The following HEMGN variants were observed in gnomAD, a reference collection of about 807,000 sequenced individuals.
HEMGN encodes hemogen, also known as erythroid differentiation-associated gene protein.
HEMGN carries 32 observed loss-of-function variants against 45.7 expected under a neutral mutation model. That is an observed-to-expected ratio of 0.70 (90% CI 0.53 to 0.94). The LOEUF (loss-of-function observed/expected upper bound fraction) is 0.94, where lower values mean the gene tolerates loss of function less well. Ranked by LOEUF, HEMGN falls within the 40% of genes least tolerant of loss-of-function variation. The probability of loss-of-function intolerance (pLI) is 0.00; values close to 1 mark genes in which losing one functional copy is unlikely to be tolerated. For synonymous variants in HEMGN, 183 were observed against 178.6 expected (o/e 1.02, Z -0.20); for missense variants, 530 against 564.2 (o/e 0.94, Z 0.61).
upstream of HEMGN, among the ~76,000 whole-genome samples, chr9:97,939,898 C>A (rs1827126860): frequency 6.6e-6 from 1 of 152,186 alleles, no homozygotes; most frequent in Non-Finnish European, 1.5e-5. Context: ...CAAAGGAATC[C>A]TGCACGGAAC....
At chr9:97,943,419 T>C (rs1193923926) in intron 1 of HEMGN, among the ~76,000 whole-genome samples, 2 of 152,304 alleles carry the variant, frequency 1.3e-5, no homozygotes, top group Middle Eastern at 6.8e-3. Context: ...AGAAGGACAG[T>C]TTCTTGTTCC....
At position 97,936,156 on chromosome 9, in the gene HEMGN, G is replaced by C; in HGVS notation, c.173+15C>G. 6.4e-7 allele frequency: 1 copy of C among 1,555,056 alleles called. No individual in the cohort carries two copies. The highest frequency in any genetic ancestry group is 8.9e-7 in the Non-Finnish European group (1 of 1,126,386). On this transcript the variant is annotated intron_variant, in intron 2 of 3. Coordinates refer to ENST00000616898, the MANE Select transcript of HEMGN (RefSeq NM_197978.3). ...TAAATATATTAGTTCCCTTTCCCTTGTGATGCTACCATACCCAAATAGCCA... is the reference window on the plus strand; with the variant it reads ...TAAATATATTAGTTCCCTTTCCCTTCTGATGCTACCATACCCAAATAGCCA...
intron 2 of HEMGN, among the ~76,000 whole-genome samples, chr9:97,933,374 G>A (rs1347582324): frequency 1.3e-5 from 2 of 152,134 alleles, no homozygotes; most frequent in African/African-American, 2.4e-5. Context: ...TATGAAGTAG[G>A]TAGTTATTAT....
At chr9:97,934,583 T>C (rs1396235895) in intron 2 of HEMGN, among the ~76,000 whole-genome samples, 1 of 151,922 alleles carries the variant, frequency 6.6e-6, no homozygotes, top group Non-Finnish European at 1.5e-5. Context: ...TGGGAGCTAA[T>C]TGGATAATCT....
intron 1 of HEMGN, among the ~76,000 whole-genome samples, chr9:97,943,425 G>GT (rs1827179957): frequency 6.6e-6 from 1 of 152,216 alleles, no homozygotes; most frequent in Admixed American, 6.5e-5. Context: ...ACAGTTTCTT[G>GT]TTCCCCTCTC....
intron 2 of HEMGN, among the ~76,000 whole-genome samples, chr9:97,934,369 A>C (rs1008738251): frequency 2.7e-5 from 4 of 146,130 alleles, no homozygotes; most frequent in East Asian, 4.2e-4. Context: ...TGAATGAATG[A>C]ATGAGAGAAA....
chr9:97,943,333 T>C (rs1827178649), intron 1 of HEMGN, among the ~76,000 whole-genome samples: 1 of 152,198 alleles, frequency 6.6e-6, no homozygotes, highest in African/African-American at 2.4e-5. Flanking sequence ...ATTCCTTCCT[T>C]GCTGACATAC....
chr9:97,935,852 T>A (rs1225880182), intron 2 of HEMGN, among the ~76,000 whole-genome samples: 2 of 152,222 alleles, frequency 1.3e-5, no homozygotes, highest in African/African-American at 2.4e-5. Context: ...CCCAACAGGA[T>A]GCTTCTATGT....
In HEMGN at chr9:97,930,180, A is replaced by G; in HGVS notation, c.1215T>C (p.Pro405=). 6.2e-7 allele frequency: 1 copy of G among 1,614,164 alleles called. No individual in the cohort carries two copies. Among genetic ancestry groups the G allele is most frequent in the Non-Finnish European group, 8.5e-7 (1 of 1,180,022 alleles). The change falls in exon 3 of 4, where the codon CCT becomes CCC. Residue 405 remains proline, a synonymous_variant. Coordinates refer to ENST00000616898, the MANE Select transcript of HEMGN (RefSeq NM_197978.3). ...TATATGTCTCAGTAGAGAGGTCTTC[A>G]GGCCCCGGTGTTTCTTGGTATATTT... ...SPEIYQETPG[P]EDLSTETYKN... is the part of the protein sequence containing the mutation.
chr9:97,942,834 A>C (rs1827171659), upstream of HEMGN, among the ~76,000 whole-genome samples: 1 of 152,216 alleles, frequency 6.6e-6, no homozygotes. Flanking sequence ...CTGTTTAGTC[A>C]AAAACAAGAC....
At position 97,936,204 on chromosome 9, in the gene HEMGN, A is replaced by G; in HGVS notation, c.140T>C (p.Val47Ala). Residue 47 changes from valine to alanine, a missense_variant, in exon 2 of 4, where the codon GTG (valine) becomes GCG (alanine). Transcript: ENST00000616898. ...CCATTGTGATGTTTCCTTTTCATGCACTTCAGCTTTTCTTTTTCTAAGTAG... is the reference window on the plus strand; with the variant it reads ...CCATTGTGATGTTTCCTTTTCATGCGCTTCAGCTTTTCTTTTTCTAAGTAG... ...RELLRKRKAE[V>A]HEKETSQWLF... 2 of 1,613,218 alleles carry G rather than the reference A, an allele frequency of 1.2e-6. No individual in the cohort carries two copies. The highest frequency in any genetic ancestry group is 1.7e-6 in the Non-Finnish European group (2 of 1,179,450).
At position 97,931,063 on chromosome 9, in the gene HEMGN, G is replaced by C. The variant is rs139664531; in HGVS notation, c.332C>G (p.Pro111Arg). The stretch of plus-strand genomic sequence containing the variant: ...AGGAAATACTTTGGTTATGCTCCCA[G>C]GTGGCTCAGTTTTTTTCTCTATAGG... ...LAPIEKKTEP[P>R]GSITKVFPSV... Residue 111 changes from proline (P) to arginine (R), a missense_variant, in exon 3 of 4, where the codon CCT becomes CGT. Pro to Arg is a moderately radical substitution (Grantham distance 103). Transcript: ENST00000616898. The C allele has an allele frequency of 4.5e-4, 721 of 1,614,096 alleles. 3 individuals carry two copies. Among genetic ancestry groups the C allele is most frequent in the Non-Finnish European group, 4.8e-4 (561 of 1,180,028 alleles).
At chr9:97,928,096 T>A (rs550328869) in intron 3 of HEMGN, among the ~76,000 whole-genome samples, 3 of 150,902 alleles carry the variant, frequency 2.0e-5, no homozygotes, top group Admixed American at 6.6e-5. Flanking sequence ...GCGCGATCTC[T>A]GCTCACTGCA....
rs1045586677 is a variant in HEMGN at position 97,927,991 on chromosome 9, A to G, written c.1361-513T>C. ...TTAGGTGTGTTTTATTTTTTAACCT[A>G]TCACTTCTCAGCCTTTTGGCTAAGA... On this transcript the variant is annotated intron_variant, in intron 3 of 3. Transcript: ENST00000616898. Among the ~76,000 whole-genome samples, 29 of 151,082 alleles carry G rather than the reference A, an allele frequency of 1.9e-4. 1 individual carries two copies. The highest frequency in any genetic ancestry group is 6.8e-4 in the African/African-American group (28 of 41,036).
In HEMGN at chr9:97,928,306, G is replaced by T. The variant is rs1343035092; in HGVS notation, c.1361-828C>A. Among the ~76,000 whole-genome samples, 5 of 152,166 alleles carry T rather than the reference G, an allele frequency of 3.3e-5. No homozygotes were observed. The South Asian group carries it at 1.0e-3, about 31-fold the overall frequency. On this transcript the variant is annotated intron_variant, in intron 3 of 3. Coordinates refer to ENST00000616898, the MANE Select transcript of HEMGN (RefSeq NM_197978.3). ...CTCCCAACGTGCTGGGATTACAGGC[G>T]TGAGCCACCGCGCCCGGCCGATCAA...
chr9:97,943,299 C>T (rs79272425), intron 1 of HEMGN, among the ~76,000 whole-genome samples: 2,025 of 152,284 alleles, frequency 0.013, 38 homozygotes, highest in African/African-American at 0.046. Flanking sequence ...GAAGGGAACA[C>T]AATGGACACT....
chr9:97,935,645 T>C, intron 2 of HEMGN, among the ~76,000 whole-genome samples: 1 of 152,216 alleles, frequency 6.6e-6, no homozygotes, highest in East Asian at 1.9e-4. Flanking sequence ...TCGCCTAATT[T>C]ACAGTCATGT....
chr9:97,936,402 C>T, intron 1 of HEMGN, 138 bp from the exon 2 acceptor site: 1 of 640,040 alleles, frequency 1.6e-6, no homozygotes, highest in Non-Finnish European at 2.8e-6. Context: ...TCTCATTTAT[C>T]CTTGTATCTC....
At chr9:97,943,504 T>A (rs562070437) in intron 1 of HEMGN, among the ~76,000 whole-genome samples, 1 of 152,336 alleles carries the variant, frequency 6.6e-6, no homozygotes, top group East Asian at 1.9e-4. Flanking sequence ...CACATATAGA[T>A]AACATGTTCT....
Sources: allele counts gnomAD v4.1 joint callset (sites outside exome capture counted in the v4.1 genomes callset), GRCh38; gene constraint gnomAD v4.1.1; transcripts MANE v1.5; gene names NCBI Gene and HGNC (gene_info 2026-07-23, HGNC 2026-07-21).